Variants in EPHA6 observed in about 807,000 individuals in gnomAD.
EPHA6 encodes ephrin type-A receptor 6.
Under a neutral mutation model 112.0 loss-of-function variants are expected in EPHA6, and 50 were observed. The ratio of observed to expected loss-of-function variants is 0.45; its 90% CI spans 0.36 to 0.56. The LOEUF is 0.56. EPHA6 is among the 20% of genes least tolerant of loss of function. EPHA6 has a pLI of 0.00. For synonymous variants in EPHA6, 529 were observed against 490.7 expected (o/e 1.08, Z -1.03); for missense variants, 1,280 against 1,417.4 (o/e 0.90, Z 1.56).
At chr3:97,316,833 T>G (rs2081864942) in intron 5 of EPHA6, among the ~76,000 whole-genome samples, 1 of 151,882 alleles carries the variant, frequency 6.6e-6, no homozygotes, top group Non-Finnish European at 1.5e-5. Flanking sequence ...AGTAAAAATA[T>G]TAATAATCTA....
chr3:97,221,267 G>T (rs1173964919), intron 3 of EPHA6, among the ~76,000 whole-genome samples: 1 of 119,958 alleles, frequency 8.3e-6, no homozygotes, highest in East Asian at 2.7e-4. Flanking sequence ...CCGAGATCCT[G>T]CCACTGCACT....
intron 3 of EPHA6, among the ~76,000 whole-genome samples, chr3:97,114,718 A>G (rs936784106): frequency 1.3e-5 from 2 of 152,032 alleles, no homozygotes; most frequent in Non-Finnish European, 2.9e-5. Flanking sequence ...TTTTGCTGTG[A>G]GTCCACTAAT....
At chr3:97,665,940 C>T (rs1375500938) in intron 14 of EPHA6, among the ~76,000 whole-genome samples, 1 of 151,858 alleles carries the variant, frequency 6.6e-6, no homozygotes, top group Non-Finnish European at 1.5e-5. Flanking sequence ...GCCTGTAATC[C>T]CAGCTACTCA....
chr3:97,227,671 C>T (rs1052757050), intron 4 of EPHA6, among the ~76,000 whole-genome samples: 17 of 152,132 alleles, frequency 1.1e-4, no homozygotes, highest in African/African-American at 3.4e-4. Context: ...TATTAAATAA[C>T]GCTATAGGAG....
chr3:97,096,246 C>T (rs545659456), intron 3 of EPHA6, among the ~76,000 whole-genome samples: 20 of 147,400 alleles, frequency 1.4e-4, no homozygotes, highest in East Asian at 3.9e-4. Flanking sequence ...TATATATATA[C>T]ACACACACAC....
At chr3:97,480,761 G>A (rs186727931) in intron 9 of EPHA6, among the ~76,000 whole-genome samples, 2,406 of 152,328 alleles carry the variant, frequency 0.016, 72 homozygotes, top group African/African-American at 0.055. Context: ...CTCCCAGACG[G>A]GGTGGCGGCC....
At chr3:97,425,445 C>T (rs2089035140) in intron 6 of EPHA6, among the ~76,000 whole-genome samples, 1 of 152,212 alleles carries the variant, frequency 6.6e-6, no homozygotes, top group Non-Finnish European at 1.5e-5. Flanking sequence ...CCCACAAAGC[C>T]ACAACCCGAG....
intron 3 of EPHA6, among the ~76,000 whole-genome samples, chr3:97,042,847 AC>A (rs1028154556): frequency 3.3e-5 from 5 of 152,156 alleles, no homozygotes; most frequent in African/African-American, 9.6e-5. Flanking sequence ...CTTGACCACC[AC>A]CTAACCACTC....
At chr3:97,474,745 A>G (rs1023037753) in intron 7 of EPHA6, among the ~76,000 whole-genome samples, 3 of 152,008 alleles carry the variant, frequency 2.0e-5, no homozygotes, top group African/African-American at 7.2e-5. Flanking sequence ...GCTACCATAT[A>G]TAATCTGGTC....
chr3:97,015,696 G>T (rs550678709), intron 3 of EPHA6, among the ~76,000 whole-genome samples: 1 of 152,296 alleles, frequency 6.6e-6, no homozygotes, highest in Non-Finnish European at 1.5e-5. Context: ...CAGGAGAGGA[G>T]TGAACACTGC....
Position 97,616,242 on chromosome 3 carries a change from A to C in EPHA6, c.2574+5388A>C, listed in dbSNP as rs572892314. On this transcript the variant is annotated intron_variant, in intron 13 of 17. Coordinates refer to ENST00000389672, the MANE Select transcript of EPHA6 (RefSeq NM_001080448.3). Reference sequence around the variant, plus strand: ...AGCAGCCCTATAGAAAAGTGGCCGGACCATTAAAAGGAAAAAAATAAATAA... The same window carrying C: ...AGCAGCCCTATAGAAAAGTGGCCGGCCCATTAAAAGGAAAAAAATAAATAA... Among the ~76,000 whole-genome samples, 31 of 152,310 alleles carry C rather than the reference A, an allele frequency of 2.0e-4. No individual in the cohort carries two copies. The East Asian group carries it at 6.0e-3, about 29-fold the overall frequency.
intron 7 of EPHA6, among the ~76,000 whole-genome samples, chr3:97,458,165 T>C (rs1022731144): frequency 2.7e-5 from 4 of 149,758 alleles, no homozygotes; most frequent in Non-Finnish European, 4.4e-5. Context: ...TTAAATTGAG[T>C]AACAAGAATT....
chr3:97,095,193 A>G (rs185115785), intron 3 of EPHA6, among the ~76,000 whole-genome samples: 1 of 152,180 alleles, frequency 6.6e-6, no homozygotes, highest in East Asian at 1.9e-4. Flanking sequence ...TGACTTTTTA[A>G]TGATCGCCAT....
chr3:97,123,884 A>G (rs892195274), intron 3 of EPHA6, among the ~76,000 whole-genome samples: 1 of 152,032 alleles, frequency 6.6e-6, no homozygotes, highest in African/African-American at 2.4e-5. Flanking sequence ...GTTTAGCTGC[A>G]TACATTGTCA....
At chr3:97,682,577 G>A (rs369934747) in intron 14 of EPHA6, among the ~76,000 whole-genome samples, 1 of 151,970 alleles carries the variant, frequency 6.6e-6, no homozygotes, top group Non-Finnish European at 1.5e-5. Context: ...ATCCCTCATT[G>A]CTCATCTTGA....
chr3:97,635,541 A>G (rs2093937773), intron 13 of EPHA6, among the ~76,000 whole-genome samples: 2 of 152,142 alleles, frequency 1.3e-5, no homozygotes, highest in Admixed American at 1.3e-4. Flanking sequence ...GAAAGAAGAC[A>G]GTCACAAAAG....
intron 3 of EPHA6, among the ~76,000 whole-genome samples, chr3:97,145,940 A>G (rs934648915): frequency 1.3e-5 from 2 of 151,560 alleles, no homozygotes; most frequent in African/African-American, 2.4e-5. Flanking sequence ...GAATTTTTTC[A>G]TAGAGTATTC....
At chr3:97,604,265 A>G (rs1280166183) in intron 12 of EPHA6, among the ~76,000 whole-genome samples, 1 of 151,794 alleles carries the variant, frequency 6.6e-6, no homozygotes, top group Non-Finnish European at 1.5e-5. Context: ...CATCTCCAAT[A>G]TCAGGCTATG....
At chr3:97,164,505 G>C (rs2076491636) in intron 3 of EPHA6, among the ~76,000 whole-genome samples, 1 of 151,852 alleles carries the variant, frequency 6.6e-6, no homozygotes, top group Non-Finnish European at 1.5e-5. Flanking sequence ...CTACTTTTTA[G>C]TGTTATTATG....
Sources: gnomAD v4.1 joint callset for allele counts (sites outside exome capture counted in the v4.1 genomes callset) on GRCh38, gnomAD v4.1.1 for gene constraint, MANE v1.5 for transcripts, NCBI Gene and HGNC (gene_info 2026-07-23, HGNC 2026-07-21) for gene names.